PVT1: variants seen among roughly 807,000 people sequenced by gnomAD.
PVT1 encodes the protein Pvt1 oncogene.
intron 3 of PVT1, among the ~76,000 whole-genome samples, chr8:127,930,265 T>C (rs1029725285): frequency 2.6e-5 from 4 of 152,228 alleles, no homozygotes; most frequent in African/African-American, 7.2e-5. Flanking sequence ...CAAGCGATTC[T>C]TGTGCCTCAG....
At chr8:128,046,961 A>G (rs1007171349) in intron 4 of PVT1, among the ~76,000 whole-genome samples, 1 of 152,144 alleles carries the variant, frequency 6.6e-6, no homozygotes, top group Non-Finnish European at 1.5e-5. Context: ...ACGGTCCCCC[A>G]CAGTGTCTTC....
At chr8:127,930,784 G>A (rs1031119904) in intron 3 of PVT1, among the ~76,000 whole-genome samples, 1 of 152,106 alleles carries the variant, frequency 6.6e-6, no homozygotes, top group African/African-American at 2.4e-5. Context: ...CCCCCTTATA[G>A]CATATTTTCA....
At position 127,896,886 on chromosome 8, in the gene PVT1, C is replaced by T. The variant is rs558907300; in HGVS notation, n.782+5888C>T. ...AACACCTCTGAATCTATTTGTTACT[C>T]TAATGCTAGCTATCTAGTGTTTGCT... On this transcript the variant is annotated intron_variant and non_coding_transcript_variant, in intron 3 of 10. Transcript: ENST00000651587. Among the ~76,000 whole-genome samples, 4 of 151,274 alleles carry T rather than the reference C, an allele frequency of 2.6e-5. No homozygotes were observed. The East Asian group carries it at 7.9e-4, about 30-fold the overall frequency.
At chr8:128,003,924 A>C (rs78017460) in intron 4 of PVT1, among the ~76,000 whole-genome samples, 1 of 152,216 alleles carries the variant, frequency 6.6e-6, no homozygotes, top group African/African-American at 2.4e-5. Context: ...GTCCAAGGTC[A>C]AGGTGTGAAC....
chr8:127,912,660 C>T (rs1815913375), intron 3 of PVT1, among the ~76,000 whole-genome samples: 2 of 151,962 alleles, frequency 1.3e-5, no homozygotes, highest in Admixed American at 6.6e-5. Context: ...CACATGTCCA[C>T]TGACCCCAAA....
chr8:127,930,088 G>A (rs13254020), intron 3 of PVT1, among the ~76,000 whole-genome samples: 54,524 of 151,966 alleles, frequency 0.36, 10,098 homozygotes, highest in East Asian at 0.53. Flanking sequence ...TGTGTTCCCA[G>A]CACGTTTGTG....
At chr8:128,010,911 T>TA (rs997731253) in intron 4 of PVT1, among the ~76,000 whole-genome samples, 2 of 152,234 alleles carry the variant, frequency 1.3e-5, no homozygotes, top group African/African-American at 4.8e-5. Flanking sequence ...TGCAGCATGG[T>TA]CCAAAGAAGG....
Position 127,963,177 on chromosome 8 carries a change from G to A in PVT1, n.783-25985G>A, listed in dbSNP as rs185262112. The stretch of plus-strand genomic sequence containing the variant: ...TCTGAGATCTTCCACCCCTCGCACG[G>A]CAGCCTTCCTGCCCCTGCCCAGGCT... On this transcript the variant is annotated intron_variant and non_coding_transcript_variant, in intron 3 of 10. Coordinates refer to ENST00000651587, the Ensembl canonical transcript of PVT1. 1.1e-3 allele frequency among the ~76,000 whole-genome samples: 167 copies of A among 152,304 alleles called. 1 individual carries two copies. The highest frequency in any genetic ancestry group is 1.9e-4 in the Non-Finnish European group (13 of 68,026).
At chr8:127,913,681 G>T (rs748598632) in intron 3 of PVT1, among the ~76,000 whole-genome samples, 13 of 152,100 alleles carry the variant, frequency 8.5e-5, no homozygotes, top group Non-Finnish European at 1.8e-4. Context: ...CTTCTCTTCT[G>T]CTGGGGAAAT....
chr8:128,073,545 G>A (rs1814026491), intron 5 of PVT1, among the ~76,000 whole-genome samples: 1 of 152,082 alleles, frequency 6.6e-6, no homozygotes, highest in Non-Finnish European at 1.5e-5. Context: ...ATCTACTCTA[G>A]CAATGAGCTC....
chr8:127,915,289 T>C (rs186667963), intron 3 of PVT1, among the ~76,000 whole-genome samples: 46 of 152,148 alleles, frequency 3.0e-4, no homozygotes, highest in African/African-American at 1.0e-3. Flanking sequence ...AAAACAGTTA[T>C]GACATCACAG....
intron 3 of PVT1, among the ~76,000 whole-genome samples, chr8:127,901,761 T>A (rs975547540): frequency 1.3e-4 from 19 of 150,418 alleles, no homozygotes; most frequent in South Asian, 6.3e-4. Flanking sequence ...TTTTTTTTTT[T>A]AAATTTCTAA....
At chr8:128,036,778 C>T (rs200787653) in intron 4 of PVT1, among the ~76,000 whole-genome samples, 2 of 152,180 alleles carry the variant, frequency 1.3e-5, no homozygotes, top group Non-Finnish European at 2.9e-5. Context: ...AGGGTTACCG[C>T]ACCTGGGTTT....
At chr8:128,090,647 C>G (rs968344552) in intron 5 of PVT1, among the ~76,000 whole-genome samples, 35 of 152,126 alleles carry the variant, frequency 2.3e-4, no homozygotes, top group Middle Eastern at 6.8e-3. Context: ...GCTGTGGGTC[C>G]CATGAGATCA....
chr8:127,917,554 A>G (rs1816002399), intron 3 of PVT1, among the ~76,000 whole-genome samples: 1 of 152,208 alleles, frequency 6.6e-6, no homozygotes, highest in South Asian at 2.1e-4. Flanking sequence ...GTAATCTATG[A>G]TGTGGAGTTC....
intron 4 of PVT1, among the ~76,000 whole-genome samples, chr8:127,993,944 T>C (rs1398740947): frequency 3.9e-5 from 6 of 152,162 alleles, no homozygotes; most frequent in Admixed American, 6.5e-5. Context: ...GCTAGCTTCA[T>C]GGATGCCAGA....
intron 4 of PVT1, among the ~76,000 whole-genome samples, chr8:128,044,334 C>A: frequency 6.6e-6 from 1 of 152,022 alleles, no homozygotes; most frequent in African/African-American, 2.4e-5. Flanking sequence ...CCCTCATGAA[C>A]CCCAGGAATG....
At chr8:127,843,347 A>AAAAC (rs1052283079) in intron 2 of PVT1, among the ~76,000 whole-genome samples, 1 of 152,188 alleles carries the variant, frequency 6.6e-6, no homozygotes, top group Non-Finnish European at 1.5e-5. Context: ...TCTGTCTCAA[A>AAAAC]AAACAAACAA....
intron 3 of PVT1, among the ~76,000 whole-genome samples, chr8:127,926,913 G>C (rs1816136710): frequency 1.3e-5 from 2 of 152,158 alleles, no homozygotes; most frequent in South Asian, 4.1e-4. Context: ...AGGCTAATCG[G>C]ACACGAGGAA....
Sources: gnomAD v4.1 joint callset for allele counts (sites outside exome capture counted in the v4.1 genomes callset) on GRCh38, gnomAD v4.1.1 for gene constraint, MANE v1.5 for transcripts, NCBI Gene and HGNC (gene_info 2026-07-23, HGNC 2026-07-21) for gene names.